The following CYYR1 variants were observed in gnomAD, a reference collection of about 807,000 sequenced individuals.
CYYR1 encodes the protein cysteine and tyrosine rich 1.
A neutral mutation model predicts 15.2 loss-of-function variants in CYYR1; 14 were observed. The ratio of observed to expected loss-of-function variants is 0.92; its 90% CI spans 0.61 to 1.44. The LOEUF (loss-of-function observed/expected upper bound fraction) is 1.44, where lower values mean the gene tolerates loss of function less well. CYYR1 is among the 40% of genes most tolerant of loss of function. The probability of loss-of-function intolerance (pLI) is 0.00; values close to 1 mark genes in which losing one functional copy is unlikely to be tolerated. For synonymous variants in CYYR1, 80 were observed against 77.4 expected, an observed-to-expected ratio of 1.03 and a Z score of -0.18; for missense variants, 228 against 209.5, an observed-to-expected ratio of 1.09 and a Z score of -0.54.
chr21:26,540,925 C>G (rs1164274543), intron 2 of CYYR1, among the ~76,000 whole-genome samples: 3 of 152,020 alleles, frequency 2.0e-5, no homozygotes, highest in South Asian at 2.1e-4. Context: ...TACAGAAAAT[C>G]TCAGCAGAGA....
chr21:26,523,581 C>A (rs1016348004), intron 2 of CYYR1, among the ~76,000 whole-genome samples: 3 of 152,182 alleles, frequency 2.0e-5, no homozygotes, highest in Admixed American at 6.5e-5. Flanking sequence ...TTCTACCACT[C>A]ATTCACTCAG....
At chr21:26,530,977 T>C (rs2123603638) in intron 2 of CYYR1, among the ~76,000 whole-genome samples, 1 of 152,280 alleles carries the variant, frequency 6.6e-6, no homozygotes, top group Non-Finnish European at 1.5e-5. Context: ...AGAAAGACAC[T>C]GACTACAGCC....
intron 2 of CYYR1, among the ~76,000 whole-genome samples, chr21:26,495,695 A>G (rs1338745465): frequency 6.6e-6 from 1 of 152,216 alleles, no homozygotes; most frequent in African/African-American, 2.4e-5. Context: ...ACACGGGTGA[A>G]CTGTTGACGT....
At position 26,468,548 on chromosome 21, in the gene CYYR1, C is replaced by T. The variant is rs2064995314; in HGVS notation, c.421G>A (p.Ala141Thr). The T allele has an allele frequency of 9.3e-6, 15 of 1,612,926 alleles. No individual in the cohort carries two copies. Among genetic ancestry groups the T allele is most frequent in the Non-Finnish European group, 1.2e-5 (14 of 1,179,222 alleles). The part of the protein sequence containing the change: ...PPYSPTPQGP[A>T]QRSPPPPYPG... The stretch of plus-strand genomic sequence containing the variant: ...TAAGGAGGGGGTGGAGAACGCTGTG[C>T]TGGACCCTGTGGGGTGGGGGAGTAT... Residue 141 changes from alanine to threonine, a missense_variant, in exon 4 of 4, where the codon GCA becomes ACA. Physicochemically the swap from Ala to Thr is moderately conservative, Grantham distance 58. Coordinates refer to ENST00000652641, the MANE Select transcript of CYYR1 (RefSeq NM_001320768.2).
intron 2 of CYYR1, among the ~76,000 whole-genome samples, chr21:26,524,819 A>C (rs2065843892): frequency 6.6e-6 from 1 of 152,216 alleles, no homozygotes; most frequent in African/African-American, 2.4e-5. Context: ...AAATGACTAC[A>C]GGTAAAGACG....
At chr21:26,475,664 T>G (rs2065093092) in intron 3 of CYYR1, among the ~76,000 whole-genome samples, 1 of 152,182 alleles carries the variant, frequency 6.6e-6, no homozygotes, top group African/African-American at 2.4e-5. Flanking sequence ...CTACCCATTT[T>G]ATAGCAAAAT....
At chr21:26,475,216 T>G (rs2065087576) in intron 3 of CYYR1, among the ~76,000 whole-genome samples, 1 of 152,296 alleles carries the variant, frequency 6.6e-6, no homozygotes, top group African/African-American at 2.4e-5. Context: ...TTTTTTCTTC[T>G]TAACCTCAAA....
At chr21:26,480,770 G>A (rs1601731423) in intron 2 of CYYR1, among the ~76,000 whole-genome samples, 1 of 152,040 alleles carries the variant, frequency 6.6e-6, no homozygotes, top group Admixed American at 6.6e-5. Flanking sequence ...AAACCATTCT[G>A]CTGTGTATCT....
chr21:26,504,132 T>C (rs1256538802), intron 2 of CYYR1, among the ~76,000 whole-genome samples: 2 of 152,198 alleles, frequency 1.3e-5, no homozygotes, highest in South Asian at 4.1e-4. Flanking sequence ...ATCTTAACAG[T>C]GTCCAAGTAT....
chr21:26,552,339 G>A (rs1181651502), intron 2 of CYYR1, among the ~76,000 whole-genome samples: 1 of 152,040 alleles, frequency 6.6e-6, no homozygotes, highest in African/African-American at 2.4e-5. Flanking sequence ...GTTAATATTT[G>A]CATGGTATAT....
intron 2 of CYYR1, among the ~76,000 whole-genome samples, chr21:26,535,767 T>G (rs909707719): frequency 1.3e-5 from 2 of 152,082 alleles, no homozygotes; most frequent in Admixed American, 6.5e-5. Flanking sequence ...CTACTCCAGT[T>G]TTTCTATCAG....
intron 2 of CYYR1, among the ~76,000 whole-genome samples, chr21:26,555,980 T>C (rs760778408): frequency 4.6e-5 from 7 of 152,162 alleles, no homozygotes; most frequent in Admixed American, 1.3e-4. Context: ...TATTGCCTCA[T>C]TGATGGAGCA....
intron 2 of CYYR1, among the ~76,000 whole-genome samples, chr21:26,533,564 T>C (rs1039888227): frequency 2.3e-4 from 35 of 152,280 alleles, no homozygotes; most frequent in Middle Eastern, 3.4e-3. Context: ...GGATGTCCAC[T>C]CACATTGGTG....
intron 2 of CYYR1, among the ~76,000 whole-genome samples, chr21:26,537,869 C>A (rs780162210): frequency 6.6e-6 from 1 of 152,086 alleles, no homozygotes; most frequent in East Asian, 1.9e-4. Flanking sequence ...ATCCCTCTTC[C>A]ACCATGCGAG....
chr21:26,519,401 A>G (rs2065774232), intron 2 of CYYR1, among the ~76,000 whole-genome samples: 1 of 152,206 alleles, frequency 6.6e-6, no homozygotes, highest in Non-Finnish European at 1.5e-5. Flanking sequence ...CATCTGGGTA[A>G]CAGCATACCA....
At chr21:26,531,797 G>A (rs915464928) in intron 2 of CYYR1, among the ~76,000 whole-genome samples, 1 of 152,126 alleles carries the variant, frequency 6.6e-6, no homozygotes, top group African/African-American at 2.4e-5. Flanking sequence ...TCGATAAAGA[G>A]TAAATATAAA....
intron 1 of CYYR1, among the ~76,000 whole-genome samples, chr21:26,572,403 TG>T (rs1463869639): frequency 6.6e-6 from 1 of 152,198 alleles, no homozygotes; most frequent in Non-Finnish European, 1.5e-5. Context: ...TCAAAAACCT[TG>T]TGTTTGACTT....
rs760824288 is a variant in CYYR1 at position 26,468,111 on chromosome 21, T to C, written c.*390A>G. The C allele has an allele frequency of 7.0e-6, 2 of 285,158 alleles. No individual in the cohort carries two copies. The highest frequency in any genetic ancestry group is 1.4e-5 in the Non-Finnish European group (2 of 146,782). 17.7% of individuals were successfully genotyped at this position (285,158 alleles called of 1,614,324 possible). On this transcript the variant is annotated 3_prime_UTR_variant, in exon 4 of 4. Transcript: ENST00000652641. ...ACTTTTAAAGCTATATAGAATAAAG[T>C]TGCTTCCTTGTGTGGGCCAAATCAT...
chr21:26,504,973 C>T (rs936677960), intron 2 of CYYR1, among the ~76,000 whole-genome samples: 14 of 152,058 alleles, frequency 9.2e-5, no homozygotes, highest in Admixed American at 2.0e-4. Context: ...TCCATGTCCC[C>T]GAATACAAAT....
Sources: allele counts gnomAD v4.1 joint callset (sites outside exome capture counted in the v4.1 genomes callset), GRCh38; gene constraint gnomAD v4.1.1; transcripts MANE v1.5; gene names NCBI Gene and HGNC (gene_info 2026-07-23, HGNC 2026-07-21).